HARS2: variants seen among roughly 807,000 people sequenced by gnomAD.
The protein encoded by HARS2 is histidine--tRNA ligase, mitochondrial.
In HARS2, 40 loss-of-function variants were observed where a neutral mutation model predicts 62.4. That is an observed-to-expected ratio of 0.64 (90% CI 0.50 to 0.83). HARS2 has a LOEUF of 0.83. HARS2 is among the 40% of genes least tolerant of loss of function. HARS2 has a pLI of 0.00. For missense variants in HARS2, 569 were observed against 626.4 expected (o/e 0.91, Z 0.98); for synonymous variants, 228 against 227.0 (o/e 1.00, Z -0.04).
At position 140,691,526 on chromosome 5, in the gene HARS2, G is replaced by A. The variant is rs1270641473; in HGVS notation, c.-123G>A. ...TTCGTGACTAGTGAGGTGCGCAAAC[G>A]CCCGAGTTTTCCCTGGTGCGCGGGT... On this transcript the variant is annotated 5_prime_UTR_variant, in exon 1 of 13. Coordinates refer to ENST00000230771, the MANE Select transcript of HARS2 (RefSeq NM_012208.4). 2 of 781,738 alleles carry A rather than the reference G, an allele frequency of 2.6e-6. No homozygotes were observed. The highest frequency in any genetic ancestry group is 3.0e-5 in the South Asian group (2 of 67,640). The allele number at this position is 781,738 out of a possible 1,614,324, so 48.4% of individuals were successfully genotyped here.
chr5:140,691,624 C>G lies in HARS2; in HGVS notation c.-25C>G. 7 of 1,475,040 alleles carry G rather than the reference C, an allele frequency of 4.7e-6. No homozygotes were observed. Among genetic ancestry groups the G allele is most frequent in the East Asian group, 2.5e-5 (1 of 40,566 alleles). 91.4% of individuals were successfully genotyped at this position (1,475,040 alleles called of 1,614,324 possible). A position where few individuals can be genotyped will look rare whatever the true frequency, so the allele number is the denominator to read the frequency against. On this transcript the variant is annotated 5_prime_UTR_variant, in exon 1 of 13. Coordinates refer to ENST00000230771, the MANE Select transcript of HARS2 (RefSeq NM_012208.4). The stretch of plus-strand genomic sequence containing the variant: ...CTTCCCAGGCCTTTTGTTCCTGTCC[C>G]GGAAAGCCGGCGTCCTGCCGCGCGA...
In HARS2 at chr5:140,697,624, A is replaced by C; in HGVS notation, c.1253A>C (p.Gln418Pro). 1.9e-6 allele frequency: 3 copies of C among 1,614,174 alleles called. No individual in the cohort carries two copies. Among genetic ancestry groups the C allele is most frequent in the Non-Finnish European group, 2.5e-6 (3 of 1,179,988 alleles). ...ACTCAAGTGTTTGTGGCCACACCACAGAAGAACTTTCTCCAAGAACGGTTG... is the reference window on the plus strand; with the variant it reads ...ACTCAAGTGTTTGTGGCCACACCACCGAAGAACTTTCTCCAAGAACGGTTG... ...TETQVFVATPQKNFLQERLKL... is the reference protein window; with the variant it reads ...TETQVFVATPPKNFLQERLKL... The change falls in exon 11 of 13, where the codon CAG becomes CCG. Residue 418 changes from glutamine (Q) to proline (P), a missense_variant. Physicochemically the swap from Gln to Pro is moderately conservative, Grantham distance 76 (BLOSUM62 -1). Coordinates refer to ENST00000230771, the MANE Select transcript of HARS2 (RefSeq NM_012208.4).
chr5:140,696,872 C>G, intron 8 of HARS2, 71 bp from the exon 9 acceptor site: 1 of 1,155,500 alleles, frequency 8.7e-7, no homozygotes, highest in Non-Finnish European at 1.3e-6. Flanking sequence ...GGAAGACTAG[C>G]TAGAGCACAT....
Position 140,698,755 on chromosome 5 carries a change from T to A in HARS2, c.*203T>A. 1.6e-6 allele frequency: 1 copy of A among 619,314 alleles called. No individual in the cohort carries two copies. 38.4% of individuals were successfully genotyped at this position (619,314 alleles called of 1,614,324 possible). A position where few individuals can be genotyped will look rare whatever the true frequency, so the allele number is the denominator to read the frequency against. ...AGTGTGAGCAGCTATTCTGCATGGG[T>A]GCAGATGGCTGGATGTGAAAGAGAC... On this transcript the variant is annotated 3_prime_UTR_variant, in exon 13 of 13. Transcript: ENST00000230771.
chr5:140,693,082 C>A (rs1208931157), intron 1 of HARS2, among the ~76,000 whole-genome samples: 2 of 151,426 alleles, frequency 1.3e-5, no homozygotes, highest in Non-Finnish European at 2.9e-5. Context: ...GTCTGTAATC[C>A]CAGCACTTTG....
rs778446302 is a variant in HARS2 at position 140,697,282 on chromosome 5, T to C, written c.1073T>C (p.Val358Ala). Reference protein sequence around the residue: ...AGEEPLNVGSVAAGGRYDGLV... With the variant: ...AGEEPLNVGSAAAGGRYDGLV... ...GAGGAGCCCCTGAATGTGGGCAGTGTGGCTGCTGGTGGGCGCTATGATGGG... is the reference window on the plus strand; with the variant it reads ...GAGGAGCCCCTGAATGTGGGCAGTGCGGCTGCTGGTGGGCGCTATGATGGG... The change falls in exon 10 of 13, where the codon GTG becomes GCG. Residue 358 changes from valine to alanine, a missense_variant. Transcript: ENST00000230771. 1 of 1,614,170 alleles carries C rather than the reference T, an allele frequency of 6.2e-7. No individual in the cohort carries two copies. The highest frequency in any genetic ancestry group is 1.7e-5 in the Admixed American group (1 of 60,026).
intron 10 of HARS2, 70 bp downstream of exon 10, chr5:140,697,476 G>C (rs1242412224): frequency 3.7e-6 from 6 of 1,610,026 alleles, no homozygotes; most frequent in Non-Finnish European, 5.1e-6. Flanking sequence ...GGTGTAGTTG[G>C]AGTGGTTTTC....
At position 140,691,715 on chromosome 5, in the gene HARS2, C is replaced by T. The variant is rs1242438690; in HGVS notation, c.67C>T (p.Pro23Ser). 10 of 1,552,670 alleles carry T rather than the reference C, an allele frequency of 6.4e-6. No individual in the cohort carries two copies. The highest frequency in any genetic ancestry group is 6.1e-6 in the Non-Finnish European group (7 of 1,147,778). Residue 23 changes from proline to serine, a missense_variant, in exon 1 of 13, where the codon CCC becomes TCC. Coordinates refer to ENST00000230771, the MANE Select transcript of HARS2 (RefSeq NM_012208.4). ...GCTGCTCAGCCAGCTCCTGCGACCG[C>T]CCTGCGCTTCGTGCACCGGGGCGGT... The part of the protein sequence containing the change: ...ASLLSQLLRP[P>S]CASCTGAVRC...
chr5:140,693,431 C>T, intron 1 of HARS2, 160 bp from the exon 2 acceptor site: 2 of 1,416,610 alleles, frequency 1.4e-6, no homozygotes, highest in South Asian at 1.2e-5. Flanking sequence ...AACATAGATT[C>T]TTTGGGGTGG....
chr5:140,697,216 TC>T lies in HARS2; in HGVS notation c.1008del (p.Tyr337MetfsTer17). On this transcript the variant is annotated frameshift_variant, in exon 10 of 13. Coordinates refer to ENST00000230771, the MANE Select transcript of HARS2 (RefSeq NM_012208.4). LOFTEE classifies it high-confidence loss of function. ...ARGLDYYTGV[I>X]YEAVLLQTPT... ...GGCCTAGACTACTATACAGGAGTGA[TC>T]TATGAAGCAGTGCTGCTGCAGACCC... 6.2e-7 allele frequency: 1 copy of T among 1,614,152 alleles called. No individual in the cohort carries two copies. The highest frequency in any genetic ancestry group is 8.5e-7 in the Non-Finnish European group (1 of 1,180,024).
rs876657829 is a variant in HARS2 at position 140,693,645 on chromosome 5, TTTA to T, written c.168_170del (p.Ile57del). The T allele has an allele frequency of 3.9e-5, 63 of 1,613,892 alleles. No homozygotes were observed. In the South Asian group the frequency reaches 4.7e-4, roughly 12 times the overall value. On this transcript the variant is annotated inframe_deletion, in exon 2 of 13. Transcript: ENST00000230771. ...GAAAGCACATCAAGAGAAACCAAAT[TTTA>T]TTATCAAGACCCCAAAGGTAATACT...
intron 6 of HARS2, 111 bp from the exon 7 acceptor site, chr5:140,695,992 C>T: frequency 1.0e-6 from 1 of 987,856 alleles, no homozygotes; most frequent in South Asian, 1.3e-5. Context: ...TATGTCTGTA[C>T]TCTTCCTGTG....
rs1178551402 is a variant in HARS2 at position 140,696,991 on chromosome 5, A to C, written c.875A>C (p.Gln292Pro). 1 of 1,613,966 alleles carries C rather than the reference A, an allele frequency of 6.2e-7. No homozygotes were observed. Among genetic ancestry groups the C allele is most frequent in the Non-Finnish European group, 8.5e-7 (1 of 1,179,964 alleles). ...EQMFQDPRLS[Q>P]NKQALEGLGD... ...ATGTTTCAGGATCCCAGACTATCCC[A>C]GAACAAGCAGGCCCTGGAGGGCCTG... Residue 292 changes from glutamine (Q) to proline (P), a missense_variant, in exon 9 of 13, where the codon CAG (glutamine) becomes CCG (proline). By Grantham distance (76) the Gln-to-Pro change is moderately conservative (BLOSUM62 -1). Coordinates refer to ENST00000230771, the MANE Select transcript of HARS2 (RefSeq NM_012208.4).
chr5:140,698,137 T>G, intron 12 of HARS2, 59 bp downstream of exon 12: 3 of 1,477,202 alleles, frequency 2.0e-6, no homozygotes, highest in South Asian at 2.3e-5. Flanking sequence ...CCAGATTCTG[T>G]AAGAAATATG....
In HARS2 at chr5:140,698,540, G is replaced by C. The variant is rs371166117; in HGVS notation, c.1509G>C (p.Leu503=). 23 of 1,612,438 alleles carry C rather than the reference G, an allele frequency of 1.4e-5. No homozygotes were observed. Among genetic ancestry groups the C allele is most frequent in the Non-Finnish European group, 1.9e-5 (22 of 1,178,466 alleles). ...TTGTGGCTGAAATTCAGAAGCGACT[G>C]TCTGAGTCTTGATCCTTGCCTGATT... is the stretch of plus-strand genomic sequence containing the variant. ...ENFVAEIQKR[L]SES The change falls in exon 13 of 13, where the codon CTG becomes CTC. Residue 503 remains leucine (L), a synonymous_variant. Transcript: ENST00000230771.
intron 4 of HARS2, among the ~76,000 whole-genome samples, chr5:140,694,751 G>A (rs1358827337): frequency 1.3e-5 from 2 of 152,030 alleles, no homozygotes; most frequent in East Asian, 3.9e-4. Context: ...TCTAGTTTGG[G>A]ACTGACTGTC....
chr5:140,697,219 A>G lies in HARS2; in HGVS notation c.1010A>G (p.Tyr337Cys), dbSNP rs537198287. ...RGLDYYTGVIYEAVLLQTPTQ... is the reference protein window; with the variant it reads ...RGLDYYTGVICEAVLLQTPTQ... ...CTAGACTACTATACAGGAGTGATCT[A>G]TGAAGCAGTGCTGCTGCAGACCCCA... The change falls in exon 10 of 13, where the codon TAT (tyrosine) becomes TGT (cysteine). Residue 337 changes from tyrosine to cysteine, a missense_variant. Tyr to Cys is a radical substitution (Grantham distance 194, BLOSUM62 -2). Transcript: ENST00000230771. 1.2e-5 allele frequency: 20 copies of G among 1,614,164 alleles called. No individual in the cohort carries two copies. The highest frequency in any genetic ancestry group is 1.5e-5 in the Non-Finnish European group (18 of 1,180,034).
rs1035204000 is a variant in HARS2 at position 140,697,301 on chromosome 5, T to C, written c.1092T>C (p.Tyr364=). 9.3e-6 allele frequency: 15 copies of C among 1,614,010 alleles called. No individual in the cohort carries two copies. The highest frequency in any genetic ancestry group is 1.2e-5 in the Non-Finnish European group (14 of 1,180,028). Residue 364 remains tyrosine, a synonymous_variant, in exon 10 of 13, where the codon TAT becomes TAC. Transcript: ENST00000230771. ...NVGSVAAGGR[Y]DGLVGMFDPK... is the part of the protein sequence containing the mutation. ...GCAGTGTGGCTGCTGGTGGGCGCTATGATGGGCTGGTGGGCATGTTTGACC... is the reference window on the plus strand; with the variant it reads ...GCAGTGTGGCTGCTGGTGGGCGCTACGATGGGCTGGTGGGCATGTTTGACC...
chr5:140,693,687 A>G (rs757755902), intron 2 of HARS2, 22 bp downstream of exon 2: 30 of 1,594,756 alleles, frequency 1.9e-5, no homozygotes, highest in Non-Finnish European at 2.2e-5. Flanking sequence ...TGCCTACCCT[A>G]TCCCATTAGA....
Sources: gnomAD v4.1 joint callset for allele counts (sites outside exome capture counted in the v4.1 genomes callset) on GRCh38, gnomAD v4.1.1 for gene constraint, MANE v1.5 for transcripts, NCBI Gene and HGNC (gene_info 2026-07-23, HGNC 2026-07-21) for gene names.